ARHGEF26: variants seen among roughly 807,000 people sequenced by gnomAD.
The protein encoded by ARHGEF26 is Rho guanine nucleotide exchange factor 26, also known as Rho guanine nucleotide exchange factor (GEF) 26.
In ARHGEF26, 59 loss-of-function variants were observed where a neutral mutation model predicts 89.4. The observed-to-expected ratio is 0.66, with a 90% CI of 0.54 to 0.82. ARHGEF26 has a LOEUF of 0.82. ARHGEF26 is among the 40% of genes least tolerant of loss of function. The probability of loss-of-function intolerance (pLI) is 0.00; values close to 1 mark genes in which losing one functional copy is unlikely to be tolerated. For synonymous variants in ARHGEF26, 500 were observed against 428.4 expected (o/e 1.17, Z -2.06); for missense variants, 1,234 against 1,085.6 (o/e 1.14, Z -1.92).
chr3:154,188,901 G>T (rs546960267), intron 7 of ARHGEF26, among the ~76,000 whole-genome samples: 1 of 152,108 alleles, frequency 6.6e-6, no homozygotes, highest in Non-Finnish European at 1.5e-5. Context: ...GGGTTTGTTC[G>T]CACAATTGAC....
chr3:154,183,107 G>A (rs1052884144), intron 6 of ARHGEF26, among the ~76,000 whole-genome samples: 5 of 152,166 alleles, frequency 3.3e-5, no homozygotes, highest in Non-Finnish European at 5.9e-5. Flanking sequence ...CACAGCTGAG[G>A]AGCTCACCTT....
At chr3:154,171,939 G>A (rs1233403325) in intron 6 of ARHGEF26, among the ~76,000 whole-genome samples, 1 of 152,096 alleles carries the variant, frequency 6.6e-6, no homozygotes, top group Non-Finnish European at 1.5e-5. Context: ...CCCGGATTAT[G>A]TGTGCTCTAG....
At chr3:154,214,380 A>G (rs957043581) in intron 9 of ARHGEF26, among the ~76,000 whole-genome samples, 2 of 152,214 alleles carry the variant, frequency 1.3e-5, no homozygotes, top group African/African-American at 4.8e-5. Context: ...GCCTGAGTTC[A>G]GTGGCCAGGG....
intron 9 of ARHGEF26, among the ~76,000 whole-genome samples, chr3:154,206,771 T>A (rs1363254847): frequency 6.6e-6 from 1 of 152,170 alleles, no homozygotes; most frequent in Non-Finnish European, 1.5e-5. Context: ...ATTTTAAAAT[T>A]CCTATGGAAC....
chr3:154,165,213 C>A (rs1048220760), intron 6 of ARHGEF26, among the ~76,000 whole-genome samples: 12 of 152,140 alleles, frequency 7.9e-5, no homozygotes, highest in African/African-American at 2.9e-4. Context: ...ATTTTTTAAT[C>A]CTTTTTCTTT....
chr3:154,122,593 G>T lies in ARHGEF26; in HGVS notation c.601G>T (p.Gly201Trp). The change falls in exon 2 of 15, where the codon GGG (glycine) becomes TGG (tryptophan). Residue 201 changes from glycine (G) to tryptophan (W), a missense_variant. Physicochemically the swap from Gly to Trp is radical, Grantham distance 184. Coordinates refer to ENST00000465093, the MANE Select transcript of ARHGEF26 (RefSeq NM_015595.4). ...SGRKAKDPER[G>W]LFPGPQKSSS... Reference sequence around the variant, plus strand: ...CCGGAAGGCAAAGGACCCCGAACGGGGGCTCTTTCCTGGGCCCCAGAAAAG... The same window carrying T: ...CCGGAAGGCAAAGGACCCCGAACGGTGGCTCTTTCCTGGGCCCCAGAAAAG... The T allele has an allele frequency of 6.2e-7, 1 of 1,613,666 alleles. No individual in the cohort carries two copies. The highest frequency in any genetic ancestry group is 8.5e-7 in the Non-Finnish European group (1 of 1,179,880).
At chr3:154,217,578 T>G (rs1015747966) in intron 9 of ARHGEF26, among the ~76,000 whole-genome samples, 2 of 152,182 alleles carry the variant, frequency 1.3e-5, no homozygotes, top group African/African-American at 4.8e-5. Flanking sequence ...CTGCTTAGAT[T>G]TTGCCTTTGA....
At chr3:154,233,481 A>G (rs1218870962) in intron 11 of ARHGEF26, among the ~76,000 whole-genome samples, 3 of 152,208 alleles carry the variant, frequency 2.0e-5, no homozygotes, top group Non-Finnish European at 2.9e-5. Flanking sequence ...TCTCATACAT[A>G]TATTGGAGGA....
intron 6 of ARHGEF26, among the ~76,000 whole-genome samples, chr3:154,176,448 T>C (rs3846027): frequency 0.021 from 3,170 of 152,282 alleles, 103 homozygotes; most frequent in African/African-American, 0.073. Flanking sequence ...CCAGAAGGTG[T>C]GATTACTTAC....
At chr3:154,223,662 G>T (rs1392725140) in intron 10 of ARHGEF26, among the ~76,000 whole-genome samples, 1 of 152,154 alleles carries the variant, frequency 6.6e-6, no homozygotes, top group African/African-American at 2.4e-5. Context: ...TTAGAAAGTA[G>T]ATTAGTGGTT....
chr3:154,252,471 T>G (rs565378059), intron 12 of ARHGEF26, among the ~76,000 whole-genome samples: 1 of 152,320 alleles, frequency 6.6e-6, no homozygotes, highest in African/African-American at 2.4e-5. Context: ...TATCTGAAAC[T>G]TTTGATCCTT....
intron 9 of ARHGEF26, among the ~76,000 whole-genome samples, chr3:154,195,548 G>T (rs1345280475): frequency 6.6e-6 from 1 of 152,128 alleles, no homozygotes; most frequent in Non-Finnish European, 1.5e-5. Flanking sequence ...AGGCAGACTT[G>T]GAAACTGATT....
intron 12 of ARHGEF26, among the ~76,000 whole-genome samples, chr3:154,250,572 G>A (rs1355574041): frequency 6.6e-6 from 1 of 152,226 alleles, no homozygotes; most frequent in Non-Finnish European, 1.5e-5. Flanking sequence ...GAAACTGGCT[G>A]TAGGGCAAAG....
chr3:154,252,823 T>C lies in ARHGEF26; in HGVS notation c.2301-293T>C, dbSNP rs75115706. On this transcript the variant is annotated intron_variant, in intron 12 of 14. Transcript: ENST00000465093. ...GTATGCTAAATACCTTTTGGAGTTA[T>C]AATGTGTTCGTGTAATCAGCTCCTT... 1.4e-3 allele frequency among the ~76,000 whole-genome samples: 218 copies of C among 152,368 alleles called. 1 individual carries two copies. Among genetic ancestry groups the C allele is most frequent in the African/African-American group, 4.7e-3 (196 of 41,582 alleles).
At chr3:154,185,003 T>C (rs966603148) in intron 6 of ARHGEF26, among the ~76,000 whole-genome samples, 1 of 152,138 alleles carries the variant, frequency 6.6e-6, no homozygotes, top group African/African-American at 2.4e-5. Flanking sequence ...CCATTGTGCT[T>C]TGCTCCCCTG....
At chr3:154,143,251 C>T (rs1236685064) in intron 4 of ARHGEF26, among the ~76,000 whole-genome samples, 1 of 152,164 alleles carries the variant, frequency 6.6e-6, no homozygotes, top group Non-Finnish European at 1.5e-5. Context: ...TATAACTTTT[C>T]AGATTTAAAA....
chr3:154,179,453 C>T (rs937486454), intron 6 of ARHGEF26, among the ~76,000 whole-genome samples: 1 of 152,170 alleles, frequency 6.6e-6, no homozygotes, highest in South Asian at 2.1e-4. Flanking sequence ...CTCCTTTTTC[C>T]ACCATTGCTG....
In ARHGEF26 at chr3:154,152,829, A is replaced by T. The variant is rs931211580; in HGVS notation, c.1384A>T (p.Ile462Leu). Residue 462 changes from isoleucine (I) to leucine (L), a missense_variant, in exon 6 of 15, where the codon ATA (isoleucine) becomes TTA (leucine). Physicochemically the swap from Ile to Leu is conservative, Grantham distance 5. Coordinates refer to ENST00000465093, the MANE Select transcript of ARHGEF26 (RefSeq NM_015595.4). ...HSYLLSLEIL[I>L]RMFKNSKELS... ...ATATTTACTCAGCTTGGAGATCTTG[A>T]TACGAATGTTTAAAAATTCTAAAGA... The T allele has an allele frequency of 1.9e-6, 3 of 1,573,580 alleles. No homozygotes were observed. The highest frequency in any genetic ancestry group is 2.4e-5 in the South Asian group (2 of 84,854).
chr3:154,149,195 A>G (rs1177343383), intron 4 of ARHGEF26, among the ~76,000 whole-genome samples, 194 bp from the exon 5 acceptor site: 1 of 151,500 alleles, frequency 6.6e-6, no homozygotes, highest in Non-Finnish European at 1.5e-5. Context: ...AATGCTTAGT[A>G]TATTGTCTGG....
Sources: gnomAD v4.1 joint callset for allele counts (sites outside exome capture counted in the v4.1 genomes callset) on GRCh38, gnomAD v4.1.1 for gene constraint, MANE v1.5 for transcripts, NCBI Gene and HGNC (gene_info 2026-07-23, HGNC 2026-07-21) for gene names.